The following CORIN variants were observed in gnomAD, a reference collection of about 807,000 sequenced individuals.
CORIN encodes corin, serine peptidase, also known as atrial natriuretic peptide-converting enzyme.
CORIN carries 117 observed loss-of-function variants against 125.3 expected under a neutral mutation model. That is an observed-to-expected ratio of 0.93 (90% CI 0.80 to 1.09). The LOEUF (loss-of-function observed/expected upper bound fraction) is 1.09. CORIN is among the 50% of genes least tolerant of loss of function. The pLI is 0.00. For missense variants in CORIN, 1,253 were observed against 1,306.7 expected, an observed-to-expected ratio of 0.96 and a Z score of 0.63; for synonymous variants, 450 against 466.4, an observed-to-expected ratio of 0.96 and a Z score of 0.45.
intron 16 of CORIN, among the ~76,000 whole-genome samples, chr4:47,641,196 G>C (rs1723217498): frequency 6.6e-6 from 1 of 152,080 alleles, no homozygotes; most frequent in African/African-American, 2.4e-5. Flanking sequence ...CTTAGGAAAT[G>C]GCATTTACTC....
At chr4:47,657,080 A>T (rs1302053672) in intron 12 of CORIN, among the ~76,000 whole-genome samples, 1 of 152,204 alleles carries the variant, frequency 6.6e-6, no homozygotes, top group Non-Finnish European at 1.5e-5. Flanking sequence ...AATCAAAGAA[A>T]TGAAAGGTCT....
intron 4 of CORIN, among the ~76,000 whole-genome samples, chr4:47,757,040 G>C (rs1175591718): frequency 1.3e-5 from 2 of 152,056 alleles, no homozygotes; most frequent in Non-Finnish European, 2.9e-5. Flanking sequence ...GTTTTAAATA[G>C]TATTATGTAG....
At chr4:47,762,803 G>T (rs557338136) in intron 4 of CORIN, among the ~76,000 whole-genome samples, 48 of 152,184 alleles carry the variant, frequency 3.2e-4, no homozygotes, top group Non-Finnish European at 1.0e-4. Context: ...GGTGGGAGGT[G>T]AGTGAGGTCA....
chr4:47,761,922 G>A (rs1449260907), intron 4 of CORIN, among the ~76,000 whole-genome samples: 4 of 152,054 alleles, frequency 2.6e-5, no homozygotes, highest in Admixed American at 6.5e-5. Flanking sequence ...CTTGAGCCTA[G>A]GAGCTTGAGG....
At position 47,595,844 on chromosome 4, in the gene CORIN, T is replaced by C. The variant is rs1419300415; in HGVS notation, c.3006A>G (p.Gly1002=). 3.7e-6 allele frequency: 6 copies of C among 1,613,832 alleles called. No homozygotes were observed. Among genetic ancestry groups the C allele is most frequent in the Non-Finnish European group, 5.1e-6 (6 of 1,179,844 alleles). The stretch of plus-strand genomic sequence containing the variant: ...AGCAGACGGAGCCCCATGAAGTTAA[T>C]CCAAATAATGTCCACCGTCCTCCAG... The part of the protein sequence containing the change: ...EKPGGRWTLF[G]LTSWGSVCFS... The change falls in exon 22 of 22, where the codon GGA becomes GGG. Residue 1002 remains glycine (G), a synonymous_variant. Transcript: ENST00000273857.
chr4:47,686,691 A>T (rs1355293338), intron 6 of CORIN, among the ~76,000 whole-genome samples: 2 of 152,216 alleles, frequency 1.3e-5, no homozygotes, highest in Non-Finnish European at 2.9e-5. Context: ...TTGAGTCAAC[A>T]TGCTAGAATC....
intron 3 of CORIN, among the ~76,000 whole-genome samples, chr4:47,768,559 A>G (rs1158948168): frequency 6.6e-6 from 1 of 152,240 alleles, no homozygotes; most frequent in Admixed American, 6.5e-5. Flanking sequence ...TGATGAATAT[A>G]GATACAAAAA....
intron 11 of CORIN, among the ~76,000 whole-genome samples, chr4:47,663,172 C>T (rs1339965028): frequency 2.0e-5 from 3 of 152,050 alleles, no homozygotes; most frequent in East Asian, 1.9e-4. Context: ...GTCCAGGGGG[C>T]GCTGTTCTTA....
At chr4:47,811,188 G>A (rs1040886251) in intron 1 of CORIN, among the ~76,000 whole-genome samples, 1 of 152,130 alleles carries the variant, frequency 6.6e-6, no homozygotes. Flanking sequence ...GAGTAAGAAA[G>A]AGGCTGTATT....
chr4:47,611,869 G>C (rs1721885254), intron 19 of CORIN, among the ~76,000 whole-genome samples: 1 of 151,948 alleles, frequency 6.6e-6, no homozygotes, highest in African/African-American at 2.4e-5. Context: ...TTTTCGCCTA[G>C]TTCTTTTTGT....
chr4:47,785,593 T>C (rs1415170870), intron 3 of CORIN, among the ~76,000 whole-genome samples: 1 of 151,248 alleles, frequency 6.6e-6, no homozygotes, highest in Non-Finnish European at 1.5e-5. Flanking sequence ...GGAAGCAAGA[T>C]GAAAAAAGGA....
intron 3 of CORIN, among the ~76,000 whole-genome samples, chr4:47,766,222 C>G (rs2109876686): frequency 6.6e-6 from 1 of 152,294 alleles, no homozygotes; most frequent in Admixed American, 6.5e-5. Flanking sequence ...TATAACATTG[C>G]TTTAAGCAGA....
At chr4:47,596,920 A>G (rs1721275109) in intron 21 of CORIN, among the ~76,000 whole-genome samples, 1 of 152,234 alleles carries the variant, frequency 6.6e-6, no homozygotes, top group Admixed American at 6.5e-5. Context: ...GGAGATGATG[A>G]AACAGAAGCA....
At chr4:47,700,806 C>A (rs1726253531) in intron 5 of CORIN, among the ~76,000 whole-genome samples, 1 of 152,214 alleles carries the variant, frequency 6.6e-6, no homozygotes, top group South Asian at 2.1e-4. Context: ...CTACATCCCC[C>A]TGCTTCCTCC....
intron 5 of CORIN, among the ~76,000 whole-genome samples, chr4:47,705,632 T>C (rs1560513349): frequency 6.6e-6 from 1 of 152,238 alleles, no homozygotes; most frequent in South Asian, 2.1e-4. Context: ...AATCGGTTGA[T>C]TTTTGTTAAA....
Position 47,603,736 on chromosome 4 carries a change from T to C in CORIN, c.2541-68A>G, listed in dbSNP as rs61759671. The C allele has an allele frequency of 1.3e-3, 1,989 of 1,503,500 alleles. 3 individuals are homozygous for C. The highest frequency in any genetic ancestry group is 1.7e-3 in the Non-Finnish European group (1,876 of 1,112,954). The allele number at this position is 1,503,500 out of a possible 1,614,324, so 93.1% of individuals were successfully genotyped here. A position where few individuals can be genotyped will look rare whatever the true frequency, so the allele number is the denominator to read the frequency against. The stretch of plus-strand genomic sequence containing the variant: ...TTTATCATGTGAAATTCACATGTAA[T>C]TTTAAAACATTTTATTTATGTAAAT... On this transcript the variant is annotated intron_variant, in intron 19 of 21. Transcript: ENST00000273857.
chr4:47,782,763 GA>G (rs1730615016), intron 3 of CORIN, among the ~76,000 whole-genome samples: 2 of 152,090 alleles, frequency 1.3e-5, no homozygotes, highest in African/African-American at 4.8e-5. Context: ...GATGCATTCT[GA>G]AAACATCATG....
intron 3 of CORIN, among the ~76,000 whole-genome samples, chr4:47,784,624 A>G (rs559435388): frequency 6.6e-6 from 1 of 152,364 alleles, no homozygotes; most frequent in East Asian, 1.9e-4. Flanking sequence ...AGTAGAAGAA[A>G]ATAACAATTA....
rs1725843091 is a variant in CORIN, at chr4:47,693,094, A to AT, written c.800-12_800-11insA. 2.0e-6 allele frequency: 3 copies of AT among 1,535,706 alleles called. No individual in the cohort carries two copies. The highest frequency in any genetic ancestry group is 1.8e-6 in the Non-Finnish European group (2 of 1,109,676). On this transcript the variant is annotated splice_polypyrimidine_tract_variant and intron_variant, in intron 5 of 21. Transcript: ENST00000273857. ...CCCTTCCACAGAGCACTAAAAAAAAAGGGCAGGAAATAATGTCAGAATAAG... is the reference window on the plus strand; with the variant it reads ...CCCTTCCACAGAGCACTAAAAAAAAATGGGCAGGAAATAATGTCAGAATAAG...
Sources: gnomAD v4.1 joint callset for allele counts (sites outside exome capture counted in the v4.1 genomes callset) on GRCh38, gnomAD v4.1.1 for gene constraint, MANE v1.5 for transcripts, NCBI Gene and HGNC (gene_info 2026-07-23, HGNC 2026-07-21) for gene names.